WDR47: variants seen among roughly 807,000 people sequenced by gnomAD.
WDR47 encodes the protein WD repeat-containing protein 47.
WDR47 carries 32 observed loss-of-function variants against 97.2 expected under a neutral mutation model. The ratio of observed to expected loss-of-function variants is 0.33; its 90% confidence interval spans 0.25 to 0.44. The LOEUF (loss-of-function observed/expected upper bound fraction) is 0.44, where lower values mean the gene tolerates loss of function less well. Among genes scored for constraint, WDR47 ranks in the 20% least tolerant of loss-of-function variants. The pLI is 1.00. For synonymous variants in WDR47, 375 were observed against 373.5 expected (o/e 1.00, Z -0.05); for missense variants, 782 against 1,102.3 (o/e 0.71, Z 4.11).
intron 14 of WDR47, 43 bp from the exon 15 acceptor site, chr1:108,971,615 A>T (rs776495559): frequency 1.9e-6 from 3 of 1,607,660 alleles, no homozygotes; most frequent in Non-Finnish European, 2.6e-6. Context: ...CAAAATAAGT[A>T]TATGTATAGA....
chr1:109,004,751 G>A (rs1394241930), intron 5 of WDR47, 36 bp from the exon 6 acceptor site: 4 of 1,561,734 alleles, frequency 2.6e-6, no homozygotes, highest in African/African-American at 2.8e-5. Context: ...CAAAAAGGCA[G>A]AGGGGGGAGT....
chr1:109,023,691 T>C (rs886612373), intron 1 of WDR47, among the ~76,000 whole-genome samples, 170 bp from the exon 2 acceptor site: 1 of 152,138 alleles, frequency 6.6e-6, no homozygotes, highest in Non-Finnish European at 1.5e-5. Flanking sequence ...TATGTGACAA[T>C]GGTATGGCCA....
At chr1:108,979,557 G>C (rs57615611) in intron 13 of WDR47, among the ~76,000 whole-genome samples, 2,000 of 151,948 alleles carry the variant, frequency 0.013, 41 homozygotes, top group African/African-American at 0.045. Context: ...CAAAACAAAA[G>C]AAAAGATGCA....
At chr1:109,022,627 C>T (rs1207765314) in intron 2 of WDR47, among the ~76,000 whole-genome samples, 1 of 152,120 alleles carries the variant, frequency 6.6e-6, no homozygotes, top group Non-Finnish European at 1.5e-5. Context: ...CTCTGCTGCC[C>T]AGGCTGGAGT....
At chr1:109,025,741 GA>G (rs1557959621) in intron 1 of WDR47, among the ~76,000 whole-genome samples, 4 of 149,940 alleles carry the variant, frequency 2.7e-5, no homozygotes, top group East Asian at 2.0e-4. Context: ...CTCGGAAAAA[GA>G]AAAAAAAACT....
chr1:109,015,716 G>A (rs1035992356), intron 3 of WDR47, among the ~76,000 whole-genome samples: 11 of 151,454 alleles, frequency 7.3e-5, no homozygotes, highest in Non-Finnish European at 1.3e-4. Context: ...TGCCAGGTGC[G>A]TTGGCTCAAG....
Position 108,971,543 on chromosome 1 carries a change from CCAT to C in WDR47, c.2644_2646del (p.Met882del), listed in dbSNP as rs746210867. 9 of 1,613,984 alleles carry C rather than the reference CCAT, an allele frequency of 5.6e-6. No homozygotes were observed. The highest frequency in any genetic ancestry group is 7.6e-6 in the Non-Finnish European group (9 of 1,180,028). ...ACTTTGTCCTTGTGCTCCCCCACCA[CCAT>C]GATAGGAAGCTGCTTGGTGAGGTCC... On this transcript the variant is annotated inframe_deletion, in exon 15 of 15. Transcript: ENST00000369962.
Position 108,983,414 on chromosome 1 carries a change from T to C in WDR47, c.1963A>G (p.Lys655Glu). 1 of 1,605,982 alleles carries C rather than the reference T, an allele frequency of 6.2e-7. No homozygotes were observed. Among genetic ancestry groups the C allele is most frequent in the Non-Finnish European group, 8.5e-7 (1 of 1,176,110 alleles). Residue 655 changes from lysine (K) to glutamate (E), a missense_variant, in exon 11 of 15, where the codon AAA becomes GAA. This residue lies in a region of WDR47 where 228 missense variants were observed against 396.7 expected (regional missense o/e 0.57). Transcript: ENST00000369962. Reference sequence around the variant, plus strand: ...GATCCTTTATGATGTTTATTCCTTTTAAAACGTACCACCGGCTGCTTAGGA... The same window carrying C: ...GATCCTTTATGATGTTTATTCCTTTCAAAACGTACCACCGGCTGCTTAGGA... ...ETPKQPVVRF[K>E]RNKHHKGSIY...
chr1:109,002,066 C>G (rs1238005719), intron 7 of WDR47, among the ~76,000 whole-genome samples, 158 bp downstream of exon 7: 1 of 152,124 alleles, frequency 6.6e-6, no homozygotes, highest in South Asian at 2.1e-4. Context: ...GATGAGCCCT[C>G]GGAATGCTGT....
intron 8 of WDR47, chr1:108,992,344 T>A (rs1268350827): frequency 2.5e-5 from 20 of 803,688 alleles, no homozygotes; most frequent in Non-Finnish European, 4.1e-5. Flanking sequence ...GAGGTTCCAA[T>A]CTTCGTGTTC....
At chr1:109,004,219 C>T (rs939123854) in intron 6 of WDR47, among the ~76,000 whole-genome samples, 11 of 151,108 alleles carry the variant, frequency 7.3e-5, no homozygotes, top group Non-Finnish European at 1.5e-4. Flanking sequence ...GAGCCGAGAT[C>T]GCACCACTGC....
In WDR47 at chr1:109,011,914, C is replaced by A. The variant is rs552745954; in HGVS notation, c.328-196G>T. Reference sequence around the variant, plus strand: ...AAATAATAAACTTGGTTTATTAGTACATTAAACTTTTATCTATAAAAACAC... The same window carrying A: ...AAATAATAAACTTGGTTTATTAGTAAATTAAACTTTTATCTATAAAAACAC... On this transcript the variant is annotated intron_variant, in intron 4 of 14. Coordinates refer to ENST00000369962, the MANE Select transcript of WDR47 (RefSeq NM_001142551.2). 1.2e-4 allele frequency among the ~76,000 whole-genome samples: 19 copies of A among 152,194 alleles called. No individual in the cohort carries two copies. The South Asian group carries it at 3.9e-3, about 32-fold the overall frequency.
At chr1:109,020,425 T>G (rs913685202) in intron 2 of WDR47, among the ~76,000 whole-genome samples, 1 of 151,954 alleles carries the variant, frequency 6.6e-6, no homozygotes, top group African/African-American at 2.4e-5. Flanking sequence ...CACGCCTGGC[T>G]AATTTTTTGT....
rs530619015 is a variant in WDR47, at chr1:109,017,695, T to A, written c.159-94A>T. On this transcript the variant is annotated intron_variant, in intron 2 of 14. Transcript: ENST00000369962. The stretch of plus-strand genomic sequence containing the variant: ...ATGACAAAACAGCATTCAAACTTCA[T>A]AAAGCACACAATGAGATTAACATTT... 1.1e-5 allele frequency: 10 copies of A among 924,098 alleles called. No homozygotes were observed. In the South Asian group the frequency reaches 1.5e-4, roughly 14 times the overall value. The allele number at this position is 924,098 out of a possible 1,614,324, so 57.2% of individuals were successfully genotyped here.
In WDR47 at chr1:108,997,773, A is replaced by AAG. The variant is rs1553230946; in HGVS notation, c.1434-1937_1434-1936insCT. On this transcript the variant is annotated intron_variant, in intron 7 of 14. Coordinates refer to ENST00000369962, the MANE Select transcript of WDR47 (RefSeq NM_001142551.2). The stretch of plus-strand genomic sequence containing the variant: ...AGACTCCATCTCAAAAAAAAAAAAA[A>AAG]AAAGAAAGAAGGAAGGAAAGGAAAG... Among the ~76,000 whole-genome samples, 36 of 150,736 alleles carry AAG rather than the reference A, an allele frequency of 2.4e-4. 1 individual carries two copies. Among genetic ancestry groups the AAG allele is most frequent in the Admixed American group, 6.6e-5 (1 of 15,092 alleles).
intron 1 of WDR47, 63 bp from the exon 2 acceptor site, chr1:109,023,584 C>A: frequency 6.7e-7 from 1 of 1,502,216 alleles, no homozygotes; most frequent in Admixed American, 1.9e-5. Context: ...GTTTAACTGC[C>A]TGGCAACTAC....
chr1:109,022,213 A>G (rs2101993506), intron 2 of WDR47, among the ~76,000 whole-genome samples: 1 of 152,334 alleles, frequency 6.6e-6, no homozygotes, highest in African/African-American at 2.4e-5. Flanking sequence ...TAGATAAGGC[A>G]TGATTCTAAA....
In WDR47 at chr1:108,974,603, G is replaced by A. The variant is rs1279253274; in HGVS notation, c.2550C>T (p.Phe850=). 1 of 1,614,094 alleles carries A rather than the reference G, an allele frequency of 6.2e-7. No individual in the cohort carries two copies. Among genetic ancestry groups the A allele is most frequent in the East Asian group, 2.2e-5 (1 of 44,860 alleles). The part of the protein sequence containing the change: ...PHSSDVRSVR[F]SPGAHYLLTG... Reference sequence around the variant, plus strand: ...TTAGCAAGTAGTGAGCTCCAGGGGAGAATCGAACAGAGCGAACATCACTGG... The same window carrying A: ...TTAGCAAGTAGTGAGCTCCAGGGGAAAATCGAACAGAGCGAACATCACTGG... The change falls in exon 14 of 15, where the codon TTC becomes TTT. Residue 850 remains phenylalanine (F), a synonymous_variant. Transcript: ENST00000369962.
At chr1:109,008,262 A>T (rs1039774095) in intron 5 of WDR47, among the ~76,000 whole-genome samples, 1 of 151,560 alleles carries the variant, frequency 6.6e-6, no homozygotes, top group Admixed American at 6.6e-5. Flanking sequence ...CTATACATTT[A>T]TCCTATACTT....
Sources: allele counts gnomAD v4.1 joint callset (sites outside exome capture counted in the v4.1 genomes callset), GRCh38; gene constraint gnomAD v4.1.1; regional missense constraint gnomAD v4.1.1; transcripts MANE v1.5; gene names NCBI Gene and HGNC (gene_info 2026-07-23, HGNC 2026-07-21).